The following SUPT3H variants were observed in gnomAD, a reference collection of about 807,000 sequenced individuals.
The protein encoded by SUPT3H is SPT3 homolog, SAGA and STAGA complex component, also known as transcription initiation protein SPT3 homolog.
A neutral mutation model predicts 44.3 loss-of-function variants in SUPT3H; 44 were observed. That is an observed-to-expected ratio of 0.99 (90% CI 0.78 to 1.28). SUPT3H has a LOEUF of 1.28. Ranked by LOEUF, SUPT3H falls within the 50% of genes most tolerant of loss-of-function variation. SUPT3H has a pLI of 0.00. For missense variants in SUPT3H, 380 were observed against 387.1 expected (o/e 0.98, Z 0.15); for synonymous variants, 124 against 125.6 (o/e 0.99, Z 0.09).
Position 45,080,443 on chromosome 6 carries a change from T to C in SUPT3H, c.186+25479A>G, listed in dbSNP as rs147611719. ...TCCAGATATACCTCTGCTAGGTATATCCCAGAAAAAAGGAAATCAATATAT... is the reference window on the plus strand; with the variant it reads ...TCCAGATATACCTCTGCTAGGTATACCCCAGAAAAAAGGAAATCAATATAT... On this transcript the variant is annotated intron_variant, in intron 3 of 10. Transcript: ENST00000371459. 7.3e-3 allele frequency among the ~76,000 whole-genome samples: 1,110 copies of C among 152,016 alleles called. 8 individuals are homozygous for C. The highest frequency in any genetic ancestry group is 0.012 in the Non-Finnish European group (828 of 67,948).
intron 10 of SUPT3H, among the ~76,000 whole-genome samples, chr6:44,838,108 A>T (rs1460639081): frequency 6.6e-6 from 1 of 152,278 alleles, no homozygotes; most frequent in African/African-American, 2.4e-5. Flanking sequence ...ATAAAAAATT[A>T]TGACAAAAAT....
At chr6:44,976,685 A>G (rs1562180786) in intron 6 of SUPT3H, among the ~76,000 whole-genome samples, 1 of 152,200 alleles carries the variant, frequency 6.6e-6, no homozygotes, top group Non-Finnish European at 1.5e-5. Flanking sequence ...CTTATCTGAA[A>G]AGTCTACTTA....
intron 2 of SUPT3H, among the ~76,000 whole-genome samples, chr6:45,163,799 TA>T (rs35049516): frequency 2.7e-3 from 366 of 137,952 alleles, no homozygotes; most frequent in African/African-American, 5.3e-3. Context: ...GTCACTTTTA[TA>T]AAAAAAAAAA....
chr6:44,949,150 A>T (rs1315002265), intron 9 of SUPT3H, among the ~76,000 whole-genome samples: 1 of 152,198 alleles, frequency 6.6e-6, no homozygotes, highest in Non-Finnish European at 1.5e-5. Flanking sequence ...ACAGAAAACC[A>T]AACACCGCAT....
chr6:44,968,160 T>G (rs1293994318), intron 6 of SUPT3H, among the ~76,000 whole-genome samples: 1 of 152,032 alleles, frequency 6.6e-6, no homozygotes, highest in Non-Finnish European at 1.5e-5. Flanking sequence ...AGAGTCCTTT[T>G]TGCATGGAAA....
intron 10 of SUPT3H, 51 bp from the exon 11 acceptor site, chr6:44,829,908 G>A (rs760778475): frequency 6.3e-7 from 1 of 1,581,150 alleles, no homozygotes; most frequent in Non-Finnish European, 8.7e-7. Flanking sequence ...AGTCAAACAA[G>A]GAAAGGAGGC....
intron 6 of SUPT3H, among the ~76,000 whole-genome samples, chr6:44,996,331 G>T (rs1422721749): frequency 6.6e-6 from 1 of 151,162 alleles, no homozygotes; most frequent in Non-Finnish European, 1.5e-5. Context: ...CATATCCTTT[G>T]CCAATTTTCC....
chr6:44,841,710 C>A (rs1331022212), intron 10 of SUPT3H, among the ~76,000 whole-genome samples: 1 of 152,146 alleles, frequency 6.6e-6, no homozygotes, highest in East Asian at 1.9e-4. Context: ...ATGCTTAATG[C>A]ATCTTTGGGT....
In SUPT3H at chr6:45,202,308, C is replaced by T. The variant is rs144384183; in HGVS notation, c.102-96302G>A. On this transcript the variant is annotated intron_variant, in intron 2 of 10. Coordinates refer to ENST00000371459, the MANE Select transcript of SUPT3H (RefSeq NM_003599.4). ...GAACGTTTACAAAATTATAAAATTG[C>T]AGATAATTATGAAACGGTTTAAAAA... Among the ~76,000 whole-genome samples the T allele has an allele frequency of 9.1e-3, 1,376 of 151,482 alleles. 15 individuals carry two copies. Among genetic ancestry groups the T allele is most frequent in the South Asian group, 0.029 (137 of 4,802 alleles).
chr6:45,253,893 T>C (rs950155297), intron 2 of SUPT3H, among the ~76,000 whole-genome samples: 9 of 80,554 alleles, frequency 1.1e-4, no homozygotes, highest in African/African-American at 1.4e-4. Context: ...AGTACATATA[T>C]AGAACCAAAA....
intron 2 of SUPT3H, among the ~76,000 whole-genome samples, chr6:45,360,650 A>G (rs1312708350): frequency 6.6e-6 from 1 of 152,234 alleles, no homozygotes; most frequent in Non-Finnish European, 1.5e-5. Context: ...AAGCTCTAGT[A>G]CACTGCAGCA....
chr6:44,936,345 ATTT>A (rs1019105230), intron 9 of SUPT3H, among the ~76,000 whole-genome samples: 3 of 151,940 alleles, frequency 2.0e-5, no homozygotes, highest in Non-Finnish European at 4.4e-5. Flanking sequence ...GCTTTTATTT[ATTT>A]TTTTCTTTGT....
rs573199281 is a variant in SUPT3H at position 45,287,012 on chromosome 6, T to C, written c.101+78189A>G. On this transcript the variant is annotated intron_variant, in intron 2 of 10. Coordinates refer to ENST00000371459, the MANE Select transcript of SUPT3H (RefSeq NM_003599.4). ...CAAGGAGAAAAAACCAAACACCACA[T>C]GTTCTCACTCATAGGTGGGAACTGA... Among the ~76,000 whole-genome samples, 7 of 152,104 alleles carry C rather than the reference T, an allele frequency of 4.6e-5. No homozygotes were observed. The South Asian group carries it at 1.2e-3, about 27-fold the overall frequency.
chr6:45,054,190 C>A (rs532531525), intron 3 of SUPT3H, among the ~76,000 whole-genome samples: 4 of 151,836 alleles, frequency 2.6e-5, no homozygotes, highest in Admixed American at 6.6e-5. Flanking sequence ...AAATCTTCTC[C>A]CCCCTGTAAG....
intron 10 of SUPT3H, among the ~76,000 whole-genome samples, chr6:44,910,222 G>A (rs568317714): frequency 5.3e-5 from 8 of 152,142 alleles, no homozygotes; most frequent in Middle Eastern, 3.4e-3. Flanking sequence ...GGCTGGCAAG[G>A]TGTCACTGAA....
At chr6:45,334,936 T>C (rs572164501) in intron 2 of SUPT3H, among the ~76,000 whole-genome samples, 5 of 151,270 alleles carry the variant, frequency 3.3e-5, no homozygotes, top group Non-Finnish European at 7.4e-5. Context: ...AAAGATGTTA[T>C]TTTCCAGTTA....
intron 2 of SUPT3H, among the ~76,000 whole-genome samples, chr6:45,325,377 A>G (rs982913420): frequency 1.3e-5 from 2 of 151,916 alleles, no homozygotes; most frequent in African/African-American, 4.8e-5. Context: ...TACAATGAAG[A>G]CACACATAGC....
At chr6:44,836,011 G>A (rs1769800978) in intron 10 of SUPT3H, among the ~76,000 whole-genome samples, 1 of 152,090 alleles carries the variant, frequency 6.6e-6, no homozygotes, top group Non-Finnish European at 1.5e-5. Flanking sequence ...GGAAGTTCAG[G>A]AGTTTCATAT....
At chr6:45,051,729 C>T (rs570340570) in intron 3 of SUPT3H, among the ~76,000 whole-genome samples, 8 of 152,082 alleles carry the variant, frequency 5.3e-5, no homozygotes, top group South Asian at 2.1e-4. Context: ...CTGAATAAGA[C>T]AAATGAAATG....
Sources: allele counts gnomAD v4.1 joint callset (sites outside exome capture counted in the v4.1 genomes callset), GRCh38; gene constraint gnomAD v4.1.1; transcripts MANE v1.5; gene names NCBI Gene and HGNC (gene_info 2026-07-23, HGNC 2026-07-21).